KCNMB2: variants seen among roughly 807,000 people sequenced by gnomAD.
KCNMB2 encodes the protein potassium calcium-activated channel subfamily M regulatory beta subunit 2, also known as calcium-activated potassium channel subunit beta-2.
KCNMB2 carries 9 observed loss-of-function variants against 24.5 expected under a neutral mutation model. The observed-to-expected ratio is 0.37, with a 90% CI of 0.22 to 0.64. The LOEUF is 0.64. Ranked by LOEUF, KCNMB2 falls within the 30% of genes least tolerant of loss-of-function variation. The pLI, the probability that KCNMB2 is intolerant of heterozygous loss-of-function variation, is 0.63. For missense variants in KCNMB2, 226 were observed against 284.3 expected (o/e 0.79, Z 1.47); for synonymous variants, 109 against 104.4 (o/e 1.04, Z -0.27).
intron 1 of KCNMB2, among the ~76,000 whole-genome samples, chr3:178,774,851 T>C (rs1712516300): frequency 1.3e-5 from 2 of 152,216 alleles, no homozygotes; most frequent in South Asian, 2.1e-4. Flanking sequence ...TAACACTTAG[T>C]GCAATTTTAA....
At chr3:178,601,037 C>T (rs1467992074) in intron 1 of KCNMB2, among the ~76,000 whole-genome samples, 1 of 152,102 alleles carries the variant, frequency 6.6e-6, no homozygotes, top group Non-Finnish European at 1.5e-5. Flanking sequence ...AGTTCATGTC[C>T]TTTGCAGGGA....
At chr3:178,751,477 GGCA>G (rs1723844483) in intron 1 of KCNMB2, among the ~76,000 whole-genome samples, 1 of 149,836 alleles carries the variant, frequency 6.7e-6, no homozygotes, top group Non-Finnish European at 1.5e-5. Flanking sequence ...CTACTTAGGA[GGCA>G]GGAGAATCGC....
chr3:178,791,850 G>GAAA, intron 1 of KCNMB2, among the ~76,000 whole-genome samples: 1 of 75,804 alleles, frequency 1.3e-5, no homozygotes, highest in Non-Finnish European at 2.8e-5. Flanking sequence ...AGTACTGAAA[G>GAAA]AAAAAAAAAA....
At chr3:178,568,773 TGATAGATAGATAGATA>T (rs5854804) in intron 1 of KCNMB2, among the ~76,000 whole-genome samples, 4 of 115,966 alleles carry the variant, frequency 3.4e-5, no homozygotes, top group African/African-American at 7.2e-5. Context: ...GATAGATAGA[TGATAGATAGATAGATA>T]GATAGATAGA....
At chr3:178,795,961 G>A (rs553193817) in intron 1 of KCNMB2, among the ~76,000 whole-genome samples, 27 of 152,216 alleles carry the variant, frequency 1.8e-4, no homozygotes, top group Admixed American at 1.7e-3. Flanking sequence ...CACTGTCCTG[G>A]TGTATGAAAC....
chr3:178,643,283 T>C (rs745475046), intron 1 of KCNMB2, among the ~76,000 whole-genome samples: 28 of 152,140 alleles, frequency 1.8e-4, no homozygotes, highest in Non-Finnish European at 3.4e-4. Context: ...GTGGTGACTA[T>C]AAAGATGTCA....
chr3:178,695,555 T>G (rs1721845502), intron 1 of KCNMB2, among the ~76,000 whole-genome samples: 2 of 152,208 alleles, frequency 1.3e-5, no homozygotes, highest in Admixed American at 6.5e-5. Context: ...CTAAATCATC[T>G]CTCATAAATT....
intron 1 of KCNMB2, among the ~76,000 whole-genome samples, chr3:178,557,179 T>G (rs979148465): frequency 5.3e-5 from 8 of 152,194 alleles, no homozygotes; most frequent in Non-Finnish European, 1.5e-5. Flanking sequence ...GTCCTGATTC[T>G]GATCAGGATT....
intron 1 of KCNMB2, among the ~76,000 whole-genome samples, chr3:178,667,608 A>G (rs1720764501): frequency 1.3e-5 from 2 of 152,128 alleles, no homozygotes; most frequent in African/African-American, 4.8e-5. Context: ...ATGAGGACAC[A>G]GTGAGAAGGT....
intron 1 of KCNMB2, among the ~76,000 whole-genome samples, chr3:178,755,116 A>T (rs1345377098): frequency 6.6e-6 from 1 of 152,220 alleles, no homozygotes; most frequent in East Asian, 1.9e-4. Flanking sequence ...AACAGCTATG[A>T]GAGTGCCGTT....
chr3:178,807,257 T>A (rs147019321), intron 1 of KCNMB2, 86 bp from the exon 2 acceptor site: 1 of 561,808 alleles, frequency 1.8e-6, no homozygotes, highest in Non-Finnish European at 3.1e-6. Context: ...CCACTGCCCC[T>A]ATGGAATCAA....
chr3:178,678,724 C>A (rs571377888), intron 1 of KCNMB2, among the ~76,000 whole-genome samples: 1 of 152,284 alleles, frequency 6.6e-6, no homozygotes, highest in East Asian at 1.9e-4. Context: ...TTTCTGTATT[C>A]AATGGGCAAA....
intron 1 of KCNMB2, among the ~76,000 whole-genome samples, chr3:178,580,700 A>G (rs1421390957): frequency 1.3e-5 from 2 of 152,206 alleles, no homozygotes; most frequent in Non-Finnish European, 2.9e-5. Flanking sequence ...TGCAAAAATC[A>G]CAAGCATTTC....
chr3:178,753,928 C>T (rs1723932731), intron 1 of KCNMB2, among the ~76,000 whole-genome samples: 1 of 151,866 alleles, frequency 6.6e-6, no homozygotes, highest in South Asian at 2.1e-4. Context: ...TATACTTTGA[C>T]AAACATTTCT....
At chr3:178,641,412 A>G (rs1258287800) in intron 1 of KCNMB2, among the ~76,000 whole-genome samples, 5 of 152,110 alleles carry the variant, frequency 3.3e-5, no homozygotes, top group African/African-American at 1.2e-4. Flanking sequence ...TCAGATTTAT[A>G]CTTAAGTTTC....
intron 1 of KCNMB2, among the ~76,000 whole-genome samples, chr3:178,692,420 A>G (rs1017143217): frequency 2.0e-5 from 3 of 152,218 alleles, no homozygotes; most frequent in African/African-American, 7.2e-5. Context: ...TAATTTTTGC[A>G]TATGGTATAA....
chr3:178,671,436 A>C (rs1720894928), intron 1 of KCNMB2, among the ~76,000 whole-genome samples: 2 of 152,182 alleles, frequency 1.3e-5, no homozygotes, highest in African/African-American at 4.8e-5. Context: ...CAACCTCTAG[A>C]GAGGCAGTCT....
At chr3:178,719,306 A>C (rs1722720777) in intron 1 of KCNMB2, among the ~76,000 whole-genome samples, 1 of 152,238 alleles carries the variant, frequency 6.6e-6, no homozygotes, top group South Asian at 2.1e-4. Context: ...AGGGAGTTGA[A>C]TGATCTTTGA....
Position 178,548,343 on chromosome 3 carries a change from T to C in KCNMB2, c.-68+11632T>C, listed in dbSNP as rs186769322. Among the ~76,000 whole-genome samples the C allele has an allele frequency of 9.2e-5, 14 of 152,360 alleles. No individual in the cohort carries two copies. In the East Asian group the frequency reaches 2.7e-3, roughly 29 times the overall value. On this transcript the variant is annotated intron_variant, in intron 1 of 4. Transcript: ENST00000452583. ...CATGCAAATGAATAGTTTCCAAGCA[T>C]GACCTTGATCATGGAACTTCCCTCA...
Sources: allele counts gnomAD v4.1 joint callset (sites outside exome capture counted in the v4.1 genomes callset), GRCh38; gene constraint gnomAD v4.1.1; transcripts MANE v1.5; gene names NCBI Gene and HGNC (gene_info 2026-07-23, HGNC 2026-07-21).